Variants in TENM4 observed in about 807,000 individuals in gnomAD.
TENM4 encodes teneurin transmembrane protein 4.
Under a neutral mutation model 243.3 loss-of-function variants are expected in TENM4, and 82 were observed. The observed-to-expected ratio is 0.34, with a 90% confidence interval of 0.28 to 0.40. TENM4 has a LOEUF of 0.40. Ranked by LOEUF, TENM4 falls within the 10% of genes least tolerant of loss-of-function variation. The pLI is 1.00. For synonymous variants in TENM4, 1,412 were observed against 1,456.3 expected (o/e 0.97, Z 0.69); for missense variants, 3,138 against 3,673.3 (o/e 0.85, Z 3.77).
intron 6 of TENM4, among the ~76,000 whole-genome samples, chr11:78,923,597 G>C (rs1856492450): frequency 6.6e-6 from 1 of 150,952 alleles, no homozygotes; most frequent in African/African-American, 2.4e-5. Flanking sequence ...GAGTGTAGTG[G>C]TGCAATTTTG....
At position 79,305,575 on chromosome 11, in the gene TENM4, C is replaced by T. The variant is rs113437229; in HGVS notation, c.-320-8032G>A. Among the ~76,000 whole-genome samples, 216 of 152,272 alleles carry T rather than the reference C, an allele frequency of 1.4e-3. 8 individuals carry two copies. In the South Asian group the frequency reaches 0.035, roughly 25 times the overall value. ...AAGGTCTGTGGCAAGAGGCTTAAAACGTAGATACATCCTGAGAAGTACAAG... is the reference window on the plus strand; with the variant it reads ...AAGGTCTGTGGCAAGAGGCTTAAAATGTAGATACATCCTGAGAAGTACAAG... On this transcript the variant is annotated intron_variant, in intron 1 of 33. Coordinates refer to ENST00000278550, the MANE Select transcript of TENM4 (RefSeq NM_001098816.3).
intron 1 of TENM4, among the ~76,000 whole-genome samples, chr11:79,339,654 GT>G (rs1341746948): frequency 1.3e-5 from 2 of 152,076 alleles, no homozygotes; most frequent in Non-Finnish European, 2.9e-5. Flanking sequence ...CCATGGTTAA[GT>G]GATAGCTATA....
intron 4 of TENM4, among the ~76,000 whole-genome samples, chr11:79,091,895 G>T (rs928961113): frequency 1.3e-5 from 2 of 152,012 alleles, no homozygotes; most frequent in Non-Finnish European, 2.9e-5. Context: ...TTCCCCTCAT[G>T]GCTGCCAGCT....
chr11:79,074,577 G>A (rs772439949), intron 4 of TENM4, among the ~76,000 whole-genome samples: 8 of 152,208 alleles, frequency 5.3e-5, no homozygotes, highest in Non-Finnish European at 4.4e-5. Flanking sequence ...CTGCCACAGA[G>A]CAACCTGTCT....
intron 6 of TENM4, among the ~76,000 whole-genome samples, chr11:78,968,286 C>A (rs1430260176): frequency 6.6e-6 from 1 of 152,090 alleles, no homozygotes; most frequent in East Asian, 1.9e-4. Flanking sequence ...GCCAAATAAA[C>A]CTATTTTCTT....
intron 4 of TENM4, among the ~76,000 whole-genome samples, chr11:79,094,586 G>A (rs530751955): frequency 6.6e-6 from 1 of 152,142 alleles, no homozygotes; most frequent in Non-Finnish European, 1.5e-5. Context: ...TTGGGGGGTG[G>A]GGGATATTGT....
intron 19 of TENM4, among the ~76,000 whole-genome samples, chr11:78,750,529 A>C (rs1215577801): frequency 1.3e-5 from 2 of 152,234 alleles, no homozygotes; most frequent in Non-Finnish European, 2.9e-5. Flanking sequence ...CCTGTGTTAC[A>C]TGCTGGAGAA....
At chr11:79,346,050 G>A (rs1185100399) in intron 1 of TENM4, among the ~76,000 whole-genome samples, 2 of 152,164 alleles carry the variant, frequency 1.3e-5, no homozygotes, top group Admixed American at 6.5e-5. Flanking sequence ...CTTCAGTCCT[G>A]ACGACCTGAT....
chr11:78,787,086 G>T lies in TENM4; in HGVS notation c.2180-3C>A. 1 of 1,539,118 alleles carries T rather than the reference G, an allele frequency of 6.5e-7. No homozygotes were observed. Among genetic ancestry groups the T allele is most frequent in the Non-Finnish European group, 8.8e-7 (1 of 1,138,658 alleles). On this transcript the variant is annotated splice_polypyrimidine_tract_variant and splice_region_variant and intron_variant, in intron 15 of 33. Coordinates refer to ENST00000278550, the MANE Select transcript of TENM4 (RefSeq NM_001098816.3). ...ACCACAGTCGGCAGCACAGATCTCT[G>T]TGGGGAGGAGCAGAAGAAGGGAGGA... is the stretch of plus-strand genomic sequence containing the variant.
intron 6 of TENM4, among the ~76,000 whole-genome samples, chr11:78,919,993 C>T (rs905764707): frequency 6.6e-6 from 1 of 152,142 alleles, no homozygotes; most frequent in Non-Finnish European, 1.5e-5. Flanking sequence ...CACACTAACT[C>T]GTATGCATGC....
intron 19 of TENM4, among the ~76,000 whole-genome samples, chr11:78,753,442 A>G (rs1856236605): frequency 6.6e-6 from 1 of 152,254 alleles, no homozygotes; most frequent in African/African-American, 2.4e-5. Context: ...GCAACTACTT[A>G]AACTGGGTAG....
Position 78,805,281 on chromosome 11 carries a change from C to CACCCACCCCAA in TENM4, c.2179+10_2179+11insTTGGGGTGGGT. 3 of 1,488,490 alleles carry CACCCACCCCAA rather than the reference C, an allele frequency of 2.0e-6. No individual in the cohort carries two copies. Among genetic ancestry groups the CACCCACCCCAA allele is most frequent in the Non-Finnish European group, 1.8e-6 (2 of 1,097,812 alleles). 92.2% of individuals were successfully genotyped at this position (1,488,490 alleles called of 1,614,324 possible). A position where few individuals can be genotyped will look rare whatever the true frequency, so the allele number is the denominator to read the frequency against. ...TCCCTCTACCCATGCTTCTTCTCCC[C>CACCCACCCCAA]CTGCATTTACCGATAGAACAGTCGT... On this transcript the variant is annotated intron_variant, in intron 15 of 33. Transcript: ENST00000278550.
rs1242982058 is a variant in TENM4, at chr11:79,235,919, G to A, written c.-264-20010C>T. On this transcript the variant is annotated intron_variant, in intron 2 of 33. Coordinates refer to ENST00000278550, the MANE Select transcript of TENM4 (RefSeq NM_001098816.3). ...TTTGCTTGTTTAGATGGATTCTTTC[G>A]TGCCCTGATGCCTGAGGTTCAAGCT... Among the ~76,000 whole-genome samples the A allele has an allele frequency of 4.0e-5, 6 of 151,404 alleles. No individual in the cohort carries two copies. The South Asian group carries it at 6.3e-4, about 16-fold the overall frequency.
chr11:79,151,594 C>T (rs1002981441), intron 3 of TENM4, among the ~76,000 whole-genome samples: 11 of 152,058 alleles, frequency 7.2e-5, no homozygotes, highest in South Asian at 2.1e-4. Flanking sequence ...GGGCGCTTTC[C>T]GAGGTTACTA....
In TENM4 at chr11:78,903,461, C is replaced by T. The variant is rs1481708121; in HGVS notation, c.556G>A (p.Ala186Thr). 5 of 1,548,606 alleles carry T rather than the reference C, an allele frequency of 3.2e-6. No homozygotes were observed. The African/African-American group carries it at 4.1e-5, about 13-fold the overall frequency. Residue 186 changes from alanine to threonine, a missense_variant, in exon 7 of 34, where the codon GCC becomes ACC. Ala to Thr is a moderately conservative substitution (Grantham distance 58, BLOSUM62 0). This residue lies in a region of TENM4 where 671 missense variants were observed against 614.1 expected (regional missense o/e 1.09). Transcript: ENST00000278550. ...GCGTGGTGCTGGTTGGGGGTGTGGG[C>T]GTGCGAGAGCGGCGGCGGCGGCGTC... ...LRTPPPPLSH[A>T]HTPNQHHAAS... is the part of the protein sequence containing the mutation.
chr11:78,658,214 C>T lies in TENM4; in HGVS notation c.8154G>A (p.Arg2718=), dbSNP rs1857943077. 1 of 1,613,926 alleles carries T rather than the reference C, an allele frequency of 6.2e-7. No individual in the cohort carries two copies. Among genetic ancestry groups the T allele is most frequent in the Non-Finnish European group, 8.5e-7 (1 of 1,179,908 alleles). Residue 2718 remains arginine (R), a synonymous_variant, in exon 34 of 34, where the codon CGG becomes CGA. Transcript: ENST00000278550. ...GCTGCTTCTCCCCCTCTGTCCAGGCCCGCAGGCCTTCCTCCCCTTCCCGCA... is the reference window on the plus strand; with the variant it reads ...GCTGCTTCTCCCCCTCTGTCCAGGCTCGCAGGCCTTCCTCCCCTTCCCGCA... ...QRLREGEEGL[R]AWTEGEKQQV...
chr11:79,021,015 G>A (rs77501327), intron 6 of TENM4, among the ~76,000 whole-genome samples: 76 of 152,362 alleles, frequency 5.0e-4, no homozygotes, highest in African/African-American at 1.7e-3. Flanking sequence ...GATAGAGGAT[G>A]TGCCTTATTC....
chr11:79,273,791 A>C (rs1856008588), intron 2 of TENM4, among the ~76,000 whole-genome samples: 1 of 152,170 alleles, frequency 6.6e-6, no homozygotes, highest in Non-Finnish European at 1.5e-5. Flanking sequence ...GAACTCCTAA[A>C]ACAAGCTCTG....
intron 9 of TENM4, among the ~76,000 whole-genome samples, chr11:78,887,420 G>A (rs1855571637): frequency 6.6e-6 from 1 of 152,180 alleles, no homozygotes; most frequent in African/African-American, 2.4e-5. Context: ...TTTCAGATTT[G>A]CCTGCTAACA....
Sources: gnomAD v4.1 joint callset for allele counts (sites outside exome capture counted in the v4.1 genomes callset) on GRCh38, gnomAD v4.1.1 for gene constraint, gnomAD v4.1.1 regional missense constraint, MANE v1.5 for transcripts, NCBI Gene and HGNC (gene_info 2026-07-23, HGNC 2026-07-21) for gene names.